The following XPO4 variants were observed in gnomAD, a reference collection of about 807,000 sequenced individuals.
The protein encoded by XPO4 is exportin-4.
Under a neutral mutation model 143.0 loss-of-function variants are expected in XPO4, and 39 were observed. That is an observed-to-expected ratio of 0.27 (90% CI 0.21 to 0.36). The LOEUF (loss-of-function observed/expected upper bound fraction) is 0.36. Ranked by LOEUF, XPO4 falls within the 10% of genes least tolerant of loss-of-function variation. The probability of loss-of-function intolerance (pLI) is 1.00; values close to 1 mark genes in which losing one functional copy is unlikely to be tolerated. For synonymous variants in XPO4, 439 were observed against 474.0 expected, an observed-to-expected ratio of 0.93 and a Z score of 0.96; for missense variants, 907 against 1,348.0, an observed-to-expected ratio of 0.67 and a Z score of 5.12.
chr13:20,849,894 T>A lies in XPO4; in HGVS notation c.456+5733A>T, dbSNP rs2060066023. 9.8e-6 allele frequency: 8 copies of A among 813,912 alleles called. No individual in the cohort carries two copies. In the South Asian group the frequency reaches 4.5e-4, roughly 46 times the overall value. The allele number at this position is 813,912 out of a possible 1,614,324, so 50.4% of individuals were successfully genotyped here. On this transcript the variant is annotated intron_variant, in intron 4 of 22. Coordinates refer to ENST00000255305, the MANE Select transcript of XPO4 (RefSeq NM_022459.5). ...GCTGAAGTGGGCAGATCACTTGAGG[T>A]CAGGAGTTCGAAACCAGCCTGGCCA...
chr13:20,873,166 T>C (rs2138143410), intron 1 of XPO4, among the ~76,000 whole-genome samples: 1 of 150,550 alleles, frequency 6.6e-6, no homozygotes, highest in Admixed American at 6.6e-5. Flanking sequence ...AGCTCACAAA[T>C]TCCTAACTCA....
At chr13:20,870,631 G>A (rs2138138728) in intron 1 of XPO4, among the ~76,000 whole-genome samples, 1 of 151,608 alleles carries the variant, frequency 6.6e-6, no homozygotes, top group South Asian at 2.1e-4. Context: ...TAGGGAGGCT[G>A]AGGCAAGAAA....
intron 1 of XPO4, among the ~76,000 whole-genome samples, chr13:20,898,924 C>T (rs1447854323): frequency 6.6e-6 from 1 of 152,154 alleles, no homozygotes; most frequent in East Asian, 1.9e-4. Flanking sequence ...GCCTATAATT[C>T]CAGCACTTTA....
chr13:20,799,095 C>G (rs770630489), intron 16 of XPO4, 70 bp downstream of exon 16: 4 of 1,369,932 alleles, frequency 2.9e-6, no homozygotes, highest in Non-Finnish European at 3.9e-6. Context: ...GAGACTCTTA[C>G]GGCAACGCAT....
intron 9 of XPO4, among the ~76,000 whole-genome samples, chr13:20,820,110 AAAATAAATGAAAAG>A (rs2137950242): frequency 6.6e-6 from 1 of 152,386 alleles, no homozygotes; most frequent in Admixed American, 6.5e-5. Context: ...TTAAAAGAGT[AAAATAAATGAAAAG>A]AAATAATACT....
At chr13:20,810,933 G>T (rs553495199) in intron 9 of XPO4, among the ~76,000 whole-genome samples, 9 of 152,282 alleles carry the variant, frequency 5.9e-5, no homozygotes, top group Admixed American at 3.3e-4. Flanking sequence ...AGAAAGAAGA[G>T]AAAAATTATC....
chr13:20,870,625 G>A (rs1015798060), intron 1 of XPO4, among the ~76,000 whole-genome samples: 2 of 151,660 alleles, frequency 1.3e-5, no homozygotes, highest in Admixed American at 1.3e-4. Flanking sequence ...AGCTACTAGG[G>A]AGGCTGAGGC....
chr13:20,837,288 G>C (rs562842820), intron 6 of XPO4, among the ~76,000 whole-genome samples: 2 of 152,110 alleles, frequency 1.3e-5, no homozygotes, highest in Admixed American at 6.5e-5. Context: ...AGCATTTCCC[G>C]AGTTGTGACA....
At chr13:20,832,286 T>C (rs2059862423) in intron 6 of XPO4, among the ~76,000 whole-genome samples, 1 of 152,198 alleles carries the variant, frequency 6.6e-6, no homozygotes, top group African/African-American at 2.4e-5. Flanking sequence ...CATCTTAACA[T>C]GTAGTGGGGA....
In XPO4 at chr13:20,807,367, G is replaced by A. The variant is rs562458782; in HGVS notation, c.1817+90C>T. The stretch of plus-strand genomic sequence containing the variant: ...TTTTTTCATGTATCAGATTTACAAC[G>A]TGCCTATCACTCCAGTCATCTACCC... On this transcript the variant is annotated intron_variant, in intron 13 of 22. Transcript: ENST00000255305. The A allele has an allele frequency of 6.0e-4, 760 of 1,263,364 alleles. 5 individuals carry two copies. The highest frequency in any genetic ancestry group is 2.1e-3 in the Middle Eastern group (8 of 3,772). The allele number at this position is 1,263,364 out of a possible 1,614,324, so 78.3% of individuals were successfully genotyped here.
chr13:20,831,059 T>A (rs1276174757), intron 6 of XPO4, among the ~76,000 whole-genome samples: 2 of 151,948 alleles, frequency 1.3e-5, no homozygotes, highest in Non-Finnish European at 2.9e-5. Flanking sequence ...TCTGTATGTA[T>A]AAGAAATAAA....
At chr13:20,821,136 G>A (rs1193503796) in intron 9 of XPO4, among the ~76,000 whole-genome samples, 2 of 151,990 alleles carry the variant, frequency 1.3e-5, no homozygotes, top group Non-Finnish European at 2.9e-5. Context: ...AACATCTTCA[G>A]TATTGTTATT....
At chr13:20,849,750 A>G in intron 4 of XPO4, 1 of 985,000 alleles carries the variant, frequency 1.0e-6, no homozygotes, top group Non-Finnish European at 1.2e-6. Context: ...CCAAGTCTTT[A>G]AGATACTTCT....
chr13:20,862,644 A>T, intron 3 of XPO4, 73 bp downstream of exon 3: 1 of 1,582,650 alleles, frequency 6.3e-7, no homozygotes, highest in Non-Finnish European at 8.6e-7. Flanking sequence ...TTAAAATGCA[A>T]ACAAAAAAAG....
intron 13 of XPO4, among the ~76,000 whole-genome samples, 164 bp downstream of exon 13, chr13:20,807,293 C>G (rs948631959): frequency 1.3e-5 from 2 of 152,186 alleles, no homozygotes; most frequent in Non-Finnish European, 2.9e-5. Context: ...CCTAAATATA[C>G]TGAGTACTTG....
At chr13:20,829,403 G>T (rs2059825283) in intron 6 of XPO4, among the ~76,000 whole-genome samples, 1 of 151,892 alleles carries the variant, frequency 6.6e-6, no homozygotes, top group Admixed American at 6.6e-5. Context: ...GCTTATAAAA[G>T]GTGTCATGAT....
At chr13:20,901,357 A>C (rs780330156) in intron 1 of XPO4, among the ~76,000 whole-genome samples, 5 of 152,208 alleles carry the variant, frequency 3.3e-5, no homozygotes, top group Non-Finnish European at 7.3e-5. Context: ...TAAGAACTAC[A>C]GCCGTGTTTT....
In XPO4 at chr13:20,788,485, T is replaced by C; in HGVS notation, c.3047+1A>G. The stretch of plus-strand genomic sequence containing the variant: ...AACAGTGATGTTCATTTAAAGGATA[T>C]GATGTCATTCCTAATTCTAGGGAGT... On this transcript the variant is annotated splice_donor_variant, in intron 20 of 22. Transcript: ENST00000255305. LOFTEE classifies it high-confidence loss of function. 6.2e-7 allele frequency: 1 copy of C among 1,610,726 alleles called. No individual in the cohort carries two copies. The highest frequency in any genetic ancestry group is 8.5e-7 in the Non-Finnish European group (1 of 1,178,942).
At chr13:20,831,058 A>G (rs556420734) in intron 6 of XPO4, among the ~76,000 whole-genome samples, 2 of 152,194 alleles carry the variant, frequency 1.3e-5, no homozygotes, top group East Asian at 3.9e-4. Context: ...ATCTGTATGT[A>G]TAAGAAATAA....
Sources: allele counts gnomAD v4.1 joint callset (sites outside exome capture counted in the v4.1 genomes callset), GRCh38; gene constraint gnomAD v4.1.1; transcripts MANE v1.5; gene names NCBI Gene and HGNC (gene_info 2026-07-23, HGNC 2026-07-21).